ADAMTS18: variants seen among roughly 807,000 people sequenced by gnomAD.
ADAMTS18 encodes the protein A disintegrin and metalloproteinase with thrombospondin motifs 18.
A neutral mutation model predicts 165.9 loss-of-function variants in ADAMTS18; 157 were observed. That is an observed-to-expected ratio of 0.95 (90% CI 0.83 to 1.08). The LOEUF (loss-of-function observed/expected upper bound fraction) is 1.08. ADAMTS18 is among the 50% of genes least tolerant of loss of function. The pLI is 0.00. For missense variants in ADAMTS18, 2,040 were observed against 1,534.0 expected, an observed-to-expected ratio of 1.33 and a Z score of -5.51; for synonymous variants, 782 against 578.2, an observed-to-expected ratio of 1.35 and a Z score of -5.06.
intron 12 of ADAMTS18, among the ~76,000 whole-genome samples, chr16:77,329,385 GATCC>G (rs1301630338): frequency 5.3e-5 from 8 of 152,252 alleles, no homozygotes; most frequent in Admixed American, 4.6e-4. Flanking sequence ...TTACAAGCAT[GATCC>G]ATCAAACATG....
chr16:77,368,286 T>G (rs748327689), intron 3 of ADAMTS18, among the ~76,000 whole-genome samples: 9 of 152,138 alleles, frequency 5.9e-5, no homozygotes, highest in Non-Finnish European at 1.2e-4. Context: ...CTGCCAGCCC[T>G]GATGTTTGTG....
intron 3 of ADAMTS18, among the ~76,000 whole-genome samples, chr16:77,381,446 A>G (rs932129180): frequency 6.6e-6 from 1 of 152,152 alleles, no homozygotes; most frequent in African/African-American, 2.4e-5. Flanking sequence ...GACCAGAAAA[A>G]CAAAGAGATG....
chr16:77,365,179 A>AAACAACAGC (rs1555519666), intron 4 of ADAMTS18, among the ~76,000 whole-genome samples: 2 of 151,482 alleles, frequency 1.3e-5, no homozygotes, highest in Non-Finnish European at 3.0e-5. Context: ...ATTTCATCTC[A>AAACAACAGC]AACAACAAAA....
At position 77,289,446 on chromosome 16, in the gene ADAMTS18, C is replaced by T. The variant is rs770882835; in HGVS notation, c.3403-35G>A. The T allele has an allele frequency of 1.9e-6, 3 of 1,611,574 alleles. No homozygotes were observed. The South Asian group carries it at 3.3e-5, about 18-fold the overall frequency. ...AGAGAAGAGGAAGGAGTCAGAAACA[C>T]TCTACTGAGGTCAGTGACATCAAAC... is the stretch of plus-strand genomic sequence containing the variant. On this transcript the variant is annotated intron_variant, in intron 21 of 22. Transcript: ENST00000282849.
At chr16:77,378,000 A>G (rs1476029874) in intron 3 of ADAMTS18, among the ~76,000 whole-genome samples, 2 of 152,206 alleles carry the variant, frequency 1.3e-5, no homozygotes, top group East Asian at 3.8e-4. Flanking sequence ...GTCTTTGAGG[A>G]AAACCATTGG....
At chr16:77,369,116 C>G (rs917903490) in intron 3 of ADAMTS18, among the ~76,000 whole-genome samples, 2 of 152,186 alleles carry the variant, frequency 1.3e-5, no homozygotes, top group Non-Finnish European at 2.9e-5. Flanking sequence ...GGGCCTCACC[C>G]CAAACCTGCT....
rs760867980 is a variant in ADAMTS18 at position 77,335,808 on chromosome 16, G to A, written c.1807C>T (p.Arg603Trp). ...AACTTGACTCCTCCACCACATGTCC[G>A]GGAACATTCTGACCACTTCGACCAG... ...SAWSKWSECS[R>W]TCGGGVKFQE... The change falls in exon 12 of 23, where the codon CGG becomes TGG. Residue 603 changes from arginine (R) to tryptophan (W), a missense_variant. Coordinates refer to ENST00000282849, the MANE Select transcript of ADAMTS18 (RefSeq NM_199355.4). The A allele has an allele frequency of 1.2e-5, 19 of 1,614,046 alleles. No homozygotes were observed. The highest frequency in any genetic ancestry group is 7.7e-5 in the South Asian group (7 of 91,090).
chr16:77,303,123 A>C (rs17687224), intron 16 of ADAMTS18, among the ~76,000 whole-genome samples: 1 of 152,064 alleles, frequency 6.6e-6, no homozygotes, highest in East Asian at 1.9e-4. Flanking sequence ...TCCAAGTCCA[A>C]GTTCTTTACT....
chr16:77,363,715 A>T, intron 6 of ADAMTS18, 87 bp downstream of exon 6: 1 of 1,236,986 alleles, frequency 8.1e-7, no homozygotes, highest in South Asian at 1.2e-5. Context: ...AACGACTAGT[A>T]CATGGATTAG....
At chr16:77,340,775 G>T (rs923258467) in intron 11 of ADAMTS18, among the ~76,000 whole-genome samples, 4 of 151,836 alleles carry the variant, frequency 2.6e-5, no homozygotes, top group Non-Finnish European at 5.9e-5. Context: ...GTCTCGCTGT[G>T]TTACCTGTTC....
chr16:77,376,385 G>A (rs996677536), intron 3 of ADAMTS18, among the ~76,000 whole-genome samples: 6 of 152,156 alleles, frequency 3.9e-5, no homozygotes, highest in Admixed American at 1.3e-4. Context: ...AAATCCACGT[G>A]AGATTTGGGT....
At chr16:77,360,259 A>C (rs1450867817) in intron 7 of ADAMTS18, among the ~76,000 whole-genome samples, 3 of 152,218 alleles carry the variant, frequency 2.0e-5, no homozygotes, top group South Asian at 4.1e-4. Flanking sequence ...GTCACTAAAT[A>C]AATGGTTGCA....
intron 2 of ADAMTS18, 151 bp downstream of exon 2, chr16:77,434,266 AC>A (rs2057770277): frequency 1.1e-6 from 1 of 914,620 alleles, no homozygotes; most frequent in African/African-American, 1.7e-5. Flanking sequence ...GTCCTTGCCA[AC>A]CTTCCCCCCT....
intron 3 of ADAMTS18, among the ~76,000 whole-genome samples, chr16:77,383,057 A>G (rs984349858): frequency 6.6e-6 from 1 of 152,202 alleles, no homozygotes; most frequent in Admixed American, 6.5e-5. Context: ...AGTTAAGAAT[A>G]CTGACAAATT....
At chr16:77,413,739 A>G (rs1281238308) in intron 3 of ADAMTS18, among the ~76,000 whole-genome samples, 1 of 151,720 alleles carries the variant, frequency 6.6e-6, no homozygotes, top group Non-Finnish European at 1.5e-5. Flanking sequence ...ATAGCTATTT[A>G]GTATAACTAA....
rs1222037553 is a variant in ADAMTS18 at position 77,411,924 on chromosome 16, T to A, written c.495+19371A>T. Among the ~76,000 whole-genome samples the A allele has an allele frequency of 4.6e-5, 7 of 151,968 alleles. No individual in the cohort carries two copies. The East Asian group carries it at 1.4e-3, about 30-fold the overall frequency. ...GGATGGTCTTGAACTCCTGACCTCGTGTTTCACCTGCCTTAGCCTCCCAAA... is the reference window on the plus strand; with the variant it reads ...GGATGGTCTTGAACTCCTGACCTCGAGTTTCACCTGCCTTAGCCTCCCAAA... On this transcript the variant is annotated intron_variant, in intron 3 of 22. Transcript: ENST00000282849.
At chr16:77,357,489 C>G (rs559825729) in intron 8 of ADAMTS18, among the ~76,000 whole-genome samples, 1 of 152,274 alleles carries the variant, frequency 6.6e-6, no homozygotes, top group South Asian at 2.1e-4. Context: ...GGGAGACACC[C>G]TTTCTAAATA....
rs1156545436 is a variant in ADAMTS18 at position 77,396,473 on chromosome 16, CAT to C, written c.496-28752_496-28751del. On this transcript the variant is annotated intron_variant, in intron 3 of 22. Coordinates refer to ENST00000282849, the MANE Select transcript of ADAMTS18 (RefSeq NM_199355.4). ...CCATATGGGTTATGAACCAGTTTCACATGAGTAGTATAATTTTTGAAGGAAGT... is the reference window on the plus strand; with the variant it reads ...CCATATGGGTTATGAACCAGTTTCACGAGTAGTATAATTTTTGAAGGAAGT... 4.6e-5 allele frequency among the ~76,000 whole-genome samples: 7 copies of C among 152,284 alleles called. No individual in the cohort carries two copies. In the East Asian group the frequency reaches 1.4e-3, roughly 29 times the overall value.
intron 3 of ADAMTS18, among the ~76,000 whole-genome samples, chr16:77,413,429 AT>A: frequency 6.6e-6 from 1 of 152,312 alleles, no homozygotes; most frequent in East Asian, 1.9e-4. Context: ...CAGTGCTAGC[AT>A]TGCCACCAGC....
Sources: gnomAD v4.1 joint callset for allele counts (sites outside exome capture counted in the v4.1 genomes callset) on GRCh38, gnomAD v4.1.1 for gene constraint, MANE v1.5 for transcripts, NCBI Gene and HGNC (gene_info 2026-07-23, HGNC 2026-07-21) for gene names.